The following PLD1 variants were observed in gnomAD, a reference collection of about 807,000 sequenced individuals.
The protein encoded by PLD1 is choline phosphatase 1.
PLD1 carries 112 observed loss-of-function variants against 137.1 expected under a neutral mutation model. The observed-to-expected ratio is 0.82, with a 90% confidence interval of 0.70 to 0.96. The LOEUF is 0.96. Ranked by LOEUF, PLD1 falls within the 40% of genes least tolerant of loss-of-function variation. The probability of loss-of-function intolerance (pLI) is 0.00; values close to 1 mark genes in which losing one functional copy is unlikely to be tolerated. For synonymous variants in PLD1, 431 were observed against 454.7 expected (o/e 0.95, Z 0.66); for missense variants, 1,321 against 1,342.0 (o/e 0.98, Z 0.24).
intron 21 of PLD1, among the ~76,000 whole-genome samples, chr3:171,654,823 C>A (rs533296561): frequency 6.6e-6 from 1 of 152,036 alleles, no homozygotes; most frequent in African/African-American, 2.4e-5. Context: ...CTGATTCCCC[C>A]GGCTGTTCTG....
At chr3:171,644,353 G>C (rs1275067109) in intron 22 of PLD1, among the ~76,000 whole-genome samples, 2 of 152,072 alleles carry the variant, frequency 1.3e-5, no homozygotes, top group Non-Finnish European at 2.9e-5. Context: ...ACCCAAGTGT[G>C]CCCTTTTAAA....
intron 22 of PLD1, chr3:171,643,228 T>C (rs1735918208): frequency 4.8e-6 from 1 of 209,862 alleles, no homozygotes; most frequent in Non-Finnish European, 9.4e-6. Flanking sequence ...AATGCATCAG[T>C]AGATAAGAAT....
At chr3:171,666,997 T>C (rs181691677) in intron 19 of PLD1, among the ~76,000 whole-genome samples, 241 of 152,350 alleles carry the variant, frequency 1.6e-3, no homozygotes, top group Non-Finnish European at 2.5e-3. Flanking sequence ...GAAATTTCTT[T>C]CTGAAGGAAA....
intron 1 of PLD1, among the ~76,000 whole-genome samples, chr3:171,808,420 C>T (rs1251300593): frequency 6.6e-6 from 1 of 152,082 alleles, no homozygotes; most frequent in Non-Finnish European, 1.5e-5. Flanking sequence ...CCTGTTTTCC[C>T]AGCTACTCAG....
At position 171,677,664 on chromosome 3, in the gene PLD1, C is replaced by T; in HGVS notation, c.1898G>A (p.Gly633Asp). ...DTGSIRSLQT[G>D]VGELHGETRF... ...GGTTTCCCCATGCAGCTCTCCCACACCTGTCTGTAAACTACGGATGGACCC... is the reference window on the plus strand; with the variant it reads ...GGTTTCCCCATGCAGCTCTCCCACATCTGTCTGTAAACTACGGATGGACCC... Residue 633 changes from glycine (G) to aspartate (D), a missense_variant, in exon 17 of 27, where the codon GGT becomes GAT. By Grantham distance (94) the Gly-to-Asp change is moderately conservative. Transcript: ENST00000351298. 4 of 1,614,084 alleles carry T rather than the reference C, an allele frequency of 2.5e-6. No homozygotes were observed. Among genetic ancestry groups the T allele is most frequent in the African/African-American group, 1.3e-5 (1 of 75,008 alleles).
At chr3:171,683,701 A>C (rs1714244428) in intron 16 of PLD1, among the ~76,000 whole-genome samples, 1 of 152,134 alleles carries the variant, frequency 6.6e-6, no homozygotes, top group African/African-American at 2.4e-5. Context: ...TCACCACCTG[A>C]AATGTGTTTG....
intron 13 of PLD1, among the ~76,000 whole-genome samples, chr3:171,690,230 TTTTA>T (rs781362329): frequency 8.5e-5 from 13 of 152,186 alleles, no homozygotes; most frequent in Non-Finnish European, 1.6e-4. Flanking sequence ...TCATTTCTGA[TTTTA>T]GTAACTTGAG....
At chr3:171,657,673 C>A (rs1737328098) in intron 21 of PLD1, among the ~76,000 whole-genome samples, 1 of 152,064 alleles carries the variant, frequency 6.6e-6, no homozygotes, top group African/African-American at 2.4e-5. Context: ...AATGTAGGAG[C>A]TAACACTATA....
chr3:171,682,671 CT>C (rs1466205025), intron 16 of PLD1, among the ~76,000 whole-genome samples: 1 of 152,084 alleles, frequency 6.6e-6, no homozygotes. Flanking sequence ...TAGAACTTTT[CT>C]TTTTTGAAAA....
intron 23 of PLD1, among the ~76,000 whole-genome samples, chr3:171,630,875 GA>G (rs1265972195): frequency 9.3e-6 from 1 of 107,224 alleles, no homozygotes; most frequent in South Asian, 3.8e-4. Context: ...GGGGTGGGGG[GA>G]GGGGGGAGGG....
chr3:171,709,763 GCT>G (rs1717000990), intron 9 of PLD1, 54 bp from the exon 10 acceptor site: 3 of 1,479,940 alleles, frequency 2.0e-6, no homozygotes, highest in Non-Finnish European at 2.7e-6. Flanking sequence ...TCTATCTCAT[GCT>G]CTTTTTTATT....
At chr3:171,611,927 T>A (rs147402808) in intron 25 of PLD1, among the ~76,000 whole-genome samples, 3,071 of 152,048 alleles carry the variant, frequency 0.02, 41 homozygotes, top group Non-Finnish European at 0.031. Context: ...AAAAAATTTT[T>A]AAAAATTAGC....
chr3:171,803,388 C>A (rs116823117), intron 1 of PLD1, among the ~76,000 whole-genome samples: 68 of 152,250 alleles, frequency 4.5e-4, no homozygotes, highest in Non-Finnish European at 8.5e-4. Context: ...GGATATACCC[C>A]CTGGGCAAAG....
At chr3:171,679,557 C>A (rs1383215285) in intron 16 of PLD1, among the ~76,000 whole-genome samples, 3 of 152,160 alleles carry the variant, frequency 2.0e-5, no homozygotes, top group Admixed American at 2.0e-4. Context: ...TACACATATA[C>A]AATTTGCTTT....
At chr3:171,799,165 CCT>C (rs1723547223) in intron 1 of PLD1, among the ~76,000 whole-genome samples, 1 of 151,778 alleles carries the variant, frequency 6.6e-6, no homozygotes, top group Non-Finnish European at 1.5e-5. Context: ...ACGGTGAAAC[CCT>C]GTCTCTACTA....
At chr3:171,727,779 T>A (rs925302098) in intron 6 of PLD1, among the ~76,000 whole-genome samples, 1 of 152,118 alleles carries the variant, frequency 6.6e-6, no homozygotes, top group East Asian at 1.9e-4. Flanking sequence ...AACAAAAGTT[T>A]TCCATGTAAG....
chr3:171,767,984 C>T (rs550746734), intron 1 of PLD1, among the ~76,000 whole-genome samples: 1 of 151,600 alleles, frequency 6.6e-6, no homozygotes, highest in Non-Finnish European at 1.5e-5. Flanking sequence ...ACAGTGACTG[C>T]ACTTAGGAAA....
intron 21 of PLD1, among the ~76,000 whole-genome samples, chr3:171,655,939 C>G (rs867769761): frequency 4.6e-5 from 7 of 152,084 alleles, no homozygotes; most frequent in Non-Finnish European, 7.4e-5. Context: ...ATTTGATGAA[C>G]TAATTTCCCA....
At chr3:171,676,914 A>G (rs953816042) in intron 17 of PLD1, 81 bp from the exon 18 acceptor site, 69 of 917,352 alleles carry the variant, frequency 7.5e-5, no homozygotes, top group Non-Finnish European at 1.1e-4. Context: ...TATGAAACTA[A>G]AAGGAAACGT....
Sources: gnomAD v4.1 joint callset for allele counts (sites outside exome capture counted in the v4.1 genomes callset) on GRCh38, gnomAD v4.1.1 for gene constraint, MANE v1.5 for transcripts, NCBI Gene and HGNC (gene_info 2026-07-23, HGNC 2026-07-21) for gene names.